CNNM2: variants seen among roughly 807,000 people sequenced by gnomAD.
CNNM2 encodes cyclin and CBS domain divalent metal cation transport mediator 2.
CNNM2 carries 12 observed loss-of-function variants against 66.9 expected under a neutral mutation model. The ratio of observed to expected loss-of-function variants is 0.18; its 90% CI spans 0.11 to 0.29. CNNM2 has a LOEUF of 0.29. Ranked by LOEUF, CNNM2 falls within the 10% of genes least tolerant of loss-of-function variation. The probability of loss-of-function intolerance (pLI) is 1.00; values close to 1 mark genes in which losing one functional copy is unlikely to be tolerated. For synonymous variants in CNNM2, 557 were observed against 501.8 expected, an observed-to-expected ratio of 1.11 and a Z score of -1.47; for missense variants, 705 against 1,167.7, an observed-to-expected ratio of 0.60 and a Z score of 5.77.
chr10:102,927,572 G>A, intron 1 of CNNM2: 2 of 984,978 alleles, frequency 2.0e-6, no homozygotes, highest in South Asian at 1.8e-5. Flanking sequence ...CTGACAGTCT[G>A]GCCACCATGG....
At chr10:102,926,432 TTG>T in intron 1 of CNNM2, among the ~76,000 whole-genome samples, 1 of 152,280 alleles carries the variant, frequency 6.6e-6, no homozygotes, top group African/African-American at 2.4e-5. Flanking sequence ...TTCTTAACCA[TTG>T]TGAGGGGCTG....
chr10:102,998,291 G>A (rs1234695807), intron 1 of CNNM2, among the ~76,000 whole-genome samples: 1 of 152,186 alleles, frequency 6.6e-6, no homozygotes, highest in Admixed American at 6.5e-5. Context: ...GCTTTATTTA[G>A]TAGGTGACAG....
At chr10:103,068,551 G>A in intron 4 of CNNM2, 78 bp from the exon 5 acceptor site, 1 of 1,197,124 alleles carries the variant, frequency 8.4e-7, no homozygotes, top group East Asian at 2.5e-5. Context: ...AAAATCTAAG[G>A]AAGGACCAAA....
At chr10:102,998,624 A>C (rs946721078) in intron 1 of CNNM2, among the ~76,000 whole-genome samples, 2 of 152,104 alleles carry the variant, frequency 1.3e-5, no homozygotes, top group Non-Finnish European at 2.9e-5. Flanking sequence ...GCAGACATAA[A>C]ACTTTATTCA....
At chr10:102,959,180 C>T (rs145234674) in intron 1 of CNNM2, among the ~76,000 whole-genome samples, 34 of 152,158 alleles carry the variant, frequency 2.2e-4, no homozygotes, top group African/African-American at 7.0e-4. Context: ...AGCGATCACC[C>T]GCCTTAGTCT....
intron 1 of CNNM2, among the ~76,000 whole-genome samples, chr10:102,970,358 C>G (rs959557671): frequency 2.0e-5 from 3 of 152,160 alleles, no homozygotes; most frequent in Non-Finnish European, 2.9e-5. Flanking sequence ...ATTCAAATTT[C>G]AGTGTCATAA....
intron 1 of CNNM2, among the ~76,000 whole-genome samples, chr10:102,969,745 G>C (rs2063521696): frequency 6.6e-6 from 1 of 151,524 alleles, no homozygotes; most frequent in South Asian, 2.1e-4. Context: ...CTGGGTTCAA[G>C]TGATTCTCCT....
rs1488850351 is a variant in CNNM2, at chr10:102,919,935, A to G, written c.1455A>G (p.Glu485=). The change falls in exon 1 of 8, where the codon GAA becomes GAG. Residue 485 remains glutamate (E), a synonymous_variant. Transcript: ENST00000369878. ...GCTACACCCGCATTCCAGTGTTTGA[A>G]GGGGAGCGCTCCAATATCGTGGACC... is the stretch of plus-strand genomic sequence containing the variant. ...ESGYTRIPVF[E]GERSNIVDLL... 1 of 1,614,222 alleles carries G rather than the reference A, an allele frequency of 6.2e-7. No homozygotes were observed. Among genetic ancestry groups the G allele is most frequent in the Admixed American group, 1.7e-5 (1 of 60,024 alleles).
At chr10:103,005,418 G>T (rs2064205720) in intron 1 of CNNM2, among the ~76,000 whole-genome samples, 1 of 152,000 alleles carries the variant, frequency 6.6e-6, no homozygotes, top group African/African-American at 2.4e-5. Context: ...GGAGGCCAAG[G>T]TGGGTGGATC....
intron 1 of CNNM2, among the ~76,000 whole-genome samples, chr10:102,926,495 C>G (rs1845864694): frequency 6.6e-6 from 1 of 152,104 alleles, no homozygotes; most frequent in Admixed American, 6.6e-5. Flanking sequence ...TATCATCAAC[C>G]AAGAAAACCC....
chr10:102,936,018 T>G (rs1265617192), intron 1 of CNNM2, among the ~76,000 whole-genome samples: 2 of 151,582 alleles, frequency 1.3e-5, no homozygotes, highest in Non-Finnish European at 2.9e-5. Flanking sequence ...GTTTTTTTTT[T>G]GGTGCTGTGG....
chr10:103,027,089 A>G (rs1256258563), intron 1 of CNNM2, among the ~76,000 whole-genome samples: 2 of 152,196 alleles, frequency 1.3e-5, no homozygotes, highest in African/African-American at 4.8e-5. Flanking sequence ...ATAATTTATT[A>G]TTTCATTGGC....
chr10:102,962,308 T>TA lies in CNNM2; in HGVS notation c.1621+42208dup, dbSNP rs368446256. 1.9e-3 allele frequency among the ~76,000 whole-genome samples: 288 copies of TA among 152,276 alleles called. 2 individuals carry two copies. Among genetic ancestry groups the TA allele is most frequent in the African/African-American group, 6.6e-3 (276 of 41,554 alleles). Reference sequence around the variant, plus strand: ...GTAACCAACCTGCACATCCTGCACATATATCCTGGAAACGTAAAATAAAAT... The same window carrying TA: ...GTAACCAACCTGCACATCCTGCACATAATATCCTGGAAACGTAAAATAAAAT... On this transcript the variant is annotated intron_variant, in intron 1 of 7. Coordinates refer to ENST00000369878, the MANE Select transcript of CNNM2 (RefSeq NM_017649.5).
At chr10:102,988,367 A>G (rs890951612) in intron 1 of CNNM2, among the ~76,000 whole-genome samples, 2 of 152,148 alleles carry the variant, frequency 1.3e-5, no homozygotes, top group African/African-American at 4.8e-5. Flanking sequence ...CCCTTACTGT[A>G]GTCAGGGGTG....
intron 1 of CNNM2, among the ~76,000 whole-genome samples, chr10:102,967,035 T>G (rs555913900): frequency 3.3e-5 from 5 of 152,308 alleles, no homozygotes; most frequent in African/African-American, 9.6e-5. Context: ...TAGCCTCGAA[T>G]TTCTGGGCTC....
intron 2 of CNNM2, 54 bp downstream of exon 2, chr10:103,049,904 C>T: frequency 6.3e-7 from 1 of 1,576,146 alleles, no homozygotes; most frequent in African/African-American, 1.3e-5. Flanking sequence ...TTTTGTTGTG[C>T]TGTTTGTGAG....
Position 103,088,413 on chromosome 10 carries a change from T to C in CNNM2, c.*11233T>C, listed in dbSNP as rs1405458553. The C allele has an allele frequency of 6.6e-6, 1 of 152,226 alleles. No homozygotes were observed. Among genetic ancestry groups the C allele is most frequent in the Admixed American group, 6.5e-5 (1 of 15,274 alleles). The allele number at this position is 152,226 out of a possible 1,614,324, so 9.4% of individuals were successfully genotyped here. ...GATTTTTATTTTTTGAGATGGAGTT[T>C]TGTTCTTGTTGCCCAGGCTGGAGTG... On this transcript the variant is annotated 3_prime_UTR_variant, in exon 8 of 8. Coordinates refer to ENST00000369878, the MANE Select transcript of CNNM2 (RefSeq NM_017649.5).
chr10:103,031,244 TG>T (rs1455054548), intron 1 of CNNM2, among the ~76,000 whole-genome samples: 3 of 152,190 alleles, frequency 2.0e-5, no homozygotes, highest in Non-Finnish European at 4.4e-5. Flanking sequence ...AAGTTTACTG[TG>T]GGCCAAAATT....
At chr10:103,064,534 G>C (rs1439619071) in intron 4 of CNNM2, among the ~76,000 whole-genome samples, 1 of 151,596 alleles carries the variant, frequency 6.6e-6, no homozygotes, top group South Asian at 2.1e-4. Context: ...GGCAATAGTT[G>C]TGTTTTTTAA....
Sources: allele counts gnomAD v4.1 joint callset (sites outside exome capture counted in the v4.1 genomes callset), GRCh38; gene constraint gnomAD v4.1.1; transcripts MANE v1.5; gene names NCBI Gene and HGNC (gene_info 2026-07-23, HGNC 2026-07-21).